TMEM163: variants seen among roughly 807,000 people sequenced by gnomAD.
TMEM163 encodes the protein transmembrane protein 163.
In TMEM163, 17 loss-of-function variants were observed where a neutral mutation model predicts 29.3. The observed-to-expected ratio is 0.58, with a 90% confidence interval of 0.40 to 0.87. The LOEUF is 0.87. TMEM163 is among the 40% of genes least tolerant of loss of function. The probability of loss-of-function intolerance (pLI) is 0.00; values close to 1 mark genes in which losing one functional copy is unlikely to be tolerated. For synonymous variants in TMEM163, 157 were observed against 160.6 expected, an observed-to-expected ratio of 0.98 and a Z score of 0.17; for missense variants, 303 against 381.5, an observed-to-expected ratio of 0.79 and a Z score of 1.71.
rs368162173 is a variant in TMEM163, at chr2:134,650,508, TTTTGTTTG to T, written c.322+62684_322+62691del. On this transcript the variant is annotated intron_variant, in intron 2 of 7. Transcript: ENST00000281924. ...TATTTGGATGCCTTCTATTTCTTTT[TTTTGTTTG>T]TTTGTTTGTTTGTTTGTTTTGTTTT... Among the ~76,000 whole-genome samples, 446 of 135,434 alleles carry T rather than the reference TTTTGTTTG, an allele frequency of 3.3e-3. 11 individuals are homozygous for T. The highest frequency in any genetic ancestry group is 0.011 in the African/African-American group (369 of 32,962). 88.8% of individuals were successfully genotyped at this position (135,434 alleles called of 152,430 possible). A position where few individuals can be genotyped will look rare whatever the true frequency, so the allele number is the denominator to read the frequency against.
intron 4 of TMEM163, among the ~76,000 whole-genome samples, chr2:134,522,310 A>G (rs767859571): frequency 6.6e-6 from 1 of 152,238 alleles, no homozygotes; most frequent in Non-Finnish European, 1.5e-5. Context: ...CCTCAAGAGG[A>G]AAGAAAGCAG....
At chr2:134,605,471 G>A (rs922641044) in intron 2 of TMEM163, among the ~76,000 whole-genome samples, 13 of 152,116 alleles carry the variant, frequency 8.5e-5, no homozygotes, top group South Asian at 2.1e-4. Context: ...GCTGAGGCAC[G>A]AGGATCACCT....
intron 2 of TMEM163, among the ~76,000 whole-genome samples, chr2:134,602,143 G>T (rs1470643554): frequency 1.3e-5 from 2 of 152,224 alleles, no homozygotes; most frequent in African/African-American, 4.8e-5. Flanking sequence ...TGTCCGGTGA[G>T]AAATTAGAGG....
chr2:134,691,636 A>G (rs1684470275), intron 2 of TMEM163, among the ~76,000 whole-genome samples: 1 of 152,196 alleles, frequency 6.6e-6, no homozygotes, highest in Non-Finnish European at 1.5e-5. Flanking sequence ...TCCAATAGAC[A>G]GCACTATGCT....
At chr2:134,542,277 C>T (rs993437621) in intron 4 of TMEM163, among the ~76,000 whole-genome samples, 1 of 152,246 alleles carries the variant, frequency 6.6e-6, no homozygotes, top group Non-Finnish European at 1.5e-5. Flanking sequence ...TGGCAGCTGT[C>T]GTGACCCTCC....
intron 4 of TMEM163, among the ~76,000 whole-genome samples, chr2:134,511,435 G>T (rs546699825): frequency 6.6e-6 from 1 of 152,334 alleles, no homozygotes; most frequent in Admixed American, 6.5e-5. Context: ...GGAGGACTCT[G>T]CAAAGTCAGG....
chr2:134,680,226 T>C (rs1684200390), intron 2 of TMEM163, among the ~76,000 whole-genome samples: 1 of 152,244 alleles, frequency 6.6e-6, no homozygotes, highest in African/African-American at 2.4e-5. Flanking sequence ...GAATTTTTCA[T>C]TGTTTTCTAA....
In TMEM163 at chr2:134,671,990, T is replaced by A. The variant is rs1684006063; in HGVS notation, c.322+41210A>T. Among the ~76,000 whole-genome samples, 4 of 152,360 alleles carry A rather than the reference T, an allele frequency of 2.6e-5. 1 individual carries two copies. The South Asian group carries it at 8.3e-4, about 32-fold the overall frequency. ...GGTGAATGTTCATATATGTTATCTA[T>A]AATTATTATTCATTATTATCATCAC... On this transcript the variant is annotated intron_variant, in intron 2 of 7. Coordinates refer to ENST00000281924, the MANE Select transcript of TMEM163 (RefSeq NM_030923.5).
chr2:134,713,783 G>C (rs570153078), intron 1 of TMEM163, among the ~76,000 whole-genome samples: 1 of 152,118 alleles, frequency 6.6e-6, no homozygotes, highest in African/African-American at 2.4e-5. Context: ...TGGTGGACTG[G>C]GTTTTGCCCA....
chr2:134,606,104 T>C (rs1205373486), intron 2 of TMEM163, among the ~76,000 whole-genome samples: 1 of 152,170 alleles, frequency 6.6e-6, no homozygotes, highest in African/African-American at 2.4e-5. Context: ...AAAAGTTATA[T>C]GGGTAACTTA....
chr2:134,537,119 A>G lies in TMEM163; in HGVS notation c.458+13451T>C, dbSNP rs143184943. On this transcript the variant is annotated intron_variant, in intron 4 of 7. Coordinates refer to ENST00000281924, the MANE Select transcript of TMEM163 (RefSeq NM_030923.5). The stretch of plus-strand genomic sequence containing the variant: ...CTTAGACCCAAACCACATCTCTAAT[A>G]CCCAGACTGACAGATCAGGCAATCA... 8.4e-3 allele frequency among the ~76,000 whole-genome samples: 1,281 copies of G among 152,290 alleles called. 10 individuals are homozygous for G. Among genetic ancestry groups the G allele is most frequent in the South Asian group, 0.015 (73 of 4,822 alleles).
intron 2 of TMEM163, among the ~76,000 whole-genome samples, chr2:134,642,610 A>G (rs1422094270): frequency 2.0e-5 from 3 of 152,232 alleles, no homozygotes; most frequent in African/African-American, 7.2e-5. Context: ...TCAAGTGCAC[A>G]TGGAACATTC....
At chr2:134,625,775 C>G (rs1383753021) in intron 2 of TMEM163, among the ~76,000 whole-genome samples, 1 of 152,240 alleles carries the variant, frequency 6.6e-6, no homozygotes, top group East Asian at 1.9e-4. Flanking sequence ...CGTTTACAAT[C>G]TGGCAAATCT....
At chr2:134,648,309 T>TCTC (rs1683384204) in intron 2 of TMEM163, among the ~76,000 whole-genome samples, 1 of 84,948 alleles carries the variant, frequency 1.2e-5, no homozygotes, top group African/African-American at 4.6e-5. Context: ...CTTCTCCTCT[T>TCTC]CTCTTCTCTT....
At chr2:134,521,612 T>C (rs930896602) in intron 4 of TMEM163, among the ~76,000 whole-genome samples, 3 of 152,118 alleles carry the variant, frequency 2.0e-5, no homozygotes, top group Non-Finnish European at 4.4e-5. Flanking sequence ...CCCAAGGCCA[T>C]CAACTGGGGC....
chr2:134,466,347 G>T, intron 5 of TMEM163, 122 bp from the exon 6 acceptor site: 1 of 741,762 alleles, frequency 1.3e-6, no homozygotes, highest in Non-Finnish European at 2.3e-6. Flanking sequence ...CTGCCACCAG[G>T]TGGGGGTATA....
At chr2:134,600,259 T>A (rs530255179) in intron 2 of TMEM163, among the ~76,000 whole-genome samples, 3 of 152,292 alleles carry the variant, frequency 2.0e-5, no homozygotes, top group African/African-American at 7.2e-5. Flanking sequence ...TGAAGGTGAA[T>A]GTGGTTGTCA....
rs370313836 is a variant in TMEM163 at position 134,558,527 on chromosome 2, T to C, written c.323-6436A>G. Among the ~76,000 whole-genome samples, 15 of 152,068 alleles carry C rather than the reference T, an allele frequency of 9.9e-5. No individual in the cohort carries two copies. In the East Asian group the frequency reaches 1.5e-3, roughly 16 times the overall value. ...TTCAAATAGAAAGACAGCTGGAAAA[T>C]GGACAGGACCCAGGCAACCCATTGT... On this transcript the variant is annotated intron_variant, in intron 2 of 7. Transcript: ENST00000281924.
At chr2:134,585,528 G>T (rs796602621) in intron 2 of TMEM163, among the ~76,000 whole-genome samples, 1 of 152,144 alleles carries the variant, frequency 6.6e-6, no homozygotes, top group Non-Finnish European at 1.5e-5. Context: ...AGATTACGAG[G>T]TCAAGAGATA....
Sources: allele counts gnomAD v4.1 joint callset (sites outside exome capture counted in the v4.1 genomes callset), GRCh38; gene constraint gnomAD v4.1.1; transcripts MANE v1.5; gene names NCBI Gene and HGNC (gene_info 2026-07-23, HGNC 2026-07-21).